OLFM3: variants seen among roughly 807,000 people sequenced by gnomAD.
OLFM3 encodes the protein olfactomedin 3.
Under a neutral mutation model 48.6 loss-of-function variants are expected in OLFM3, and 20 were observed. That is an observed-to-expected ratio of 0.41 (90% CI 0.29 to 0.60). The LOEUF (loss-of-function observed/expected upper bound fraction) is 0.60, where lower values mean the gene tolerates loss of function less well. Among genes scored for constraint, OLFM3 ranks in the 20% least tolerant of loss-of-function variants. OLFM3 has a pLI of 0.28. For missense variants in OLFM3, 437 were observed against 544.3 expected, an observed-to-expected ratio of 0.80 and a Z score of 1.96; for synonymous variants, 222 against 198.1, an observed-to-expected ratio of 1.12 and a Z score of -1.01.
chr1:101,975,698 G>A (rs894458215), intron 1 of OLFM3, among the ~76,000 whole-genome samples: 1 of 152,126 alleles, frequency 6.6e-6, no homozygotes, highest in Non-Finnish European at 1.5e-5. Flanking sequence ...GATTTCGGCA[G>A]AGATTGCTAT....
At chr1:101,904,383 G>T (rs964678317) in intron 1 of OLFM3, among the ~76,000 whole-genome samples, 2 of 152,064 alleles carry the variant, frequency 1.3e-5, no homozygotes, top group African/African-American at 4.8e-5. Context: ...ACATTTAGTA[G>T]GGTGGAGGAA....
intron 1 of OLFM3, among the ~76,000 whole-genome samples, chr1:101,854,888 A>G (rs1350562130): frequency 2.6e-5 from 4 of 152,134 alleles, no homozygotes; most frequent in East Asian, 1.9e-4. Flanking sequence ...ATTTGTGAGG[A>G]TAAAATAAAC....
intron 1 of OLFM3, among the ~76,000 whole-genome samples, chr1:101,891,284 G>A (rs1345929851): frequency 6.6e-6 from 1 of 151,882 alleles, no homozygotes; most frequent in Non-Finnish European, 1.5e-5. Flanking sequence ...GTTAAGCATA[G>A]CAATTTAAAT....
intron 1 of OLFM3, among the ~76,000 whole-genome samples, chr1:101,923,890 A>T (rs566207394): frequency 2.8e-4 from 42 of 152,174 alleles, no homozygotes; most frequent in African/African-American, 1.0e-3. Flanking sequence ...TTACTTTTGT[A>T]TTTTCTCCAC....
At chr1:101,902,861 A>C (rs1658433405) in intron 1 of OLFM3, among the ~76,000 whole-genome samples, 1 of 152,090 alleles carries the variant, frequency 6.6e-6, no homozygotes, top group African/African-American at 2.4e-5. Flanking sequence ...AACTTATTCA[A>C]GGCTGTCTGT....
intron 4 of OLFM3, among the ~76,000 whole-genome samples, chr1:101,817,357 T>C (rs1654382072): frequency 6.6e-6 from 1 of 152,174 alleles, no homozygotes; most frequent in Admixed American, 6.5e-5. Flanking sequence ...ATTTATAAAA[T>C]ATTGTATGTG....
At chr1:101,833,884 T>C (rs889584915) in intron 2 of OLFM3, among the ~76,000 whole-genome samples, 2 of 152,196 alleles carry the variant, frequency 1.3e-5, no homozygotes, top group Admixed American at 1.3e-4. Flanking sequence ...TCATGTACAA[T>C]GTTTCTTAAA....
At chr1:101,978,601 A>T (rs1236889689) in intron 1 of OLFM3, among the ~76,000 whole-genome samples, 2 of 152,210 alleles carry the variant, frequency 1.3e-5, no homozygotes, top group South Asian at 4.1e-4. Context: ...TACTTTTTCT[A>T]GAATTAATGT....
At chr1:101,821,191 G>A (rs1035891614) in intron 4 of OLFM3, among the ~76,000 whole-genome samples, 2 of 152,002 alleles carry the variant, frequency 1.3e-5, no homozygotes, top group East Asian at 1.9e-4. Flanking sequence ...GAGTTCAAGG[G>A]TTCTCAGAGA....
chr1:101,857,743 GA>G (rs1253505569), intron 1 of OLFM3, among the ~76,000 whole-genome samples: 1 of 151,274 alleles, frequency 6.6e-6, no homozygotes, highest in African/African-American at 2.4e-5. Context: ...AAACTTTATT[GA>G]GTCCTTTCTA....
At chr1:101,982,726 A>G (rs1661136805) in intron 1 of OLFM3, among the ~76,000 whole-genome samples, 1 of 152,142 alleles carries the variant, frequency 6.6e-6, no homozygotes, top group Non-Finnish European at 1.5e-5. Context: ...TTTTTCCTGC[A>G]TTCATACTTG....
Sources: allele counts gnomAD v4.1 joint callset (sites outside exome capture counted in the v4.1 genomes callset), GRCh38; gene constraint gnomAD v4.1.1; transcripts MANE v1.5; gene names NCBI Gene and HGNC (gene_info 2026-07-23, HGNC 2026-07-21).